The following RNF24 variants were observed in gnomAD, a reference collection of about 807,000 sequenced individuals.
The protein encoded by RNF24 is ring finger protein 24.
Under a neutral mutation model 20.0 loss-of-function variants are expected in RNF24, and 14 were observed. That is an observed-to-expected ratio of 0.70 (90% confidence interval 0.46 to 1.10). RNF24 has a LOEUF of 1.10. Among genes scored for constraint, RNF24 ranks in the 50% least tolerant of loss-of-function variants. The pLI is 0.00. For synonymous variants in RNF24, 45 were observed against 61.1 expected, an observed-to-expected ratio of 0.74 and a Z score of 1.23; for missense variants, 124 against 177.6, an observed-to-expected ratio of 0.70 and a Z score of 1.71.
intron 1 of RNF24, among the ~76,000 whole-genome samples, chr20:3,994,073 C>A (rs1445750676): frequency 6.6e-6 from 1 of 152,152 alleles, no homozygotes; most frequent in African/African-American, 2.4e-5. Flanking sequence ...TTAGTCTCCT[C>A]CAATCTGTGA....
At chr20:3,962,712 A>AT (rs754993846) in intron 2 of RNF24, among the ~76,000 whole-genome samples, 1,948 of 140,706 alleles carry the variant, frequency 0.014, 13 homozygotes, top group African/African-American at 0.036. Flanking sequence ...TGATCAAACT[A>AT]TTTTTTTTTT....
At chr20:3,975,471 A>G (rs1372540847) in intron 1 of RNF24, among the ~76,000 whole-genome samples, 3 of 152,208 alleles carry the variant, frequency 2.0e-5, no homozygotes, top group Non-Finnish European at 2.9e-5. Context: ...GAAAGAAGCT[A>G]AAGACTAGGA....
Position 4,001,967 on chromosome 20 carries a change from A to C in RNF24, c.-8+13470T>G, listed in dbSNP as rs140502201. 7.0e-3 allele frequency among the ~76,000 whole-genome samples: 1,059 copies of C among 151,816 alleles called. 28 individuals carry two copies. The highest frequency in any genetic ancestry group is 0.065 in the South Asian group (313 of 4,806). On this transcript the variant is annotated intron_variant, in intron 1 of 5. Coordinates refer to ENST00000358395, the MANE Select transcript of RNF24 (RefSeq NM_001134337.3). ...CTCTTAAAAAAACAAACAAAAAAAAACAGGGCCGGGCGCGGTGGCTGACAC... is the reference window on the plus strand; with the variant it reads ...CTCTTAAAAAAACAAACAAAAAAAACCAGGGCCGGGCGCGGTGGCTGACAC...
At chr20:3,992,172 CA>C (rs1980503024) in intron 1 of RNF24, among the ~76,000 whole-genome samples, 1 of 152,166 alleles carries the variant, frequency 6.6e-6, no homozygotes, top group Non-Finnish European at 1.5e-5. Flanking sequence ...TCTCTTTATT[CA>C]AAGGTAAGCA....
chr20:3,996,850 A>C lies in RNF24; in HGVS notation c.-8+18587T>G, dbSNP rs116772899. ...GAGGAGGGCAGAGTGGTAAGAGAGA[A>C]CTAGGAGTAAGTGGTAAAATGTCCC... is the stretch of plus-strand genomic sequence containing the variant. On this transcript the variant is annotated intron_variant, in intron 1 of 5. Transcript: ENST00000358395. 8.6e-3 allele frequency among the ~76,000 whole-genome samples: 1,308 copies of C among 152,284 alleles called. 25 individuals carry two copies. Among genetic ancestry groups the C allele is most frequent in the African/African-American group, 0.03 (1,249 of 41,548 alleles).
Position 3,945,161 on chromosome 20 carries a change from C to T in RNF24, c.228+16G>A. On this transcript the variant is annotated intron_variant, in intron 4 of 5. Transcript: ENST00000358395. Reference sequence around the variant, plus strand: ...CTAGAAAATGGCTCAAGAGGATTTACTTATCATCAACTTACCTCATGTAAA... The same window carrying T: ...CTAGAAAATGGCTCAAGAGGATTTATTTATCATCAACTTACCTCATGTAAA... The T allele has an allele frequency of 6.3e-7, 1 of 1,597,910 alleles. No individual in the cohort carries two copies.
rs241600 is a variant in RNF24 at position 3,930,623 on chromosome 20, T to A, written c.*3440A>T. ...ATCACTCTCTGCCTGGAGCTCTGGG[T>A]ATACTGCCCTGGATGTATCAGGATG... On this transcript the variant is annotated 3_prime_UTR_variant, in exon 6 of 6. Coordinates refer to ENST00000358395, the MANE Select transcript of RNF24 (RefSeq NM_001134337.3). The A allele has an allele frequency of 1.3e-5, 2 of 151,730 alleles. No homozygotes were observed. Among genetic ancestry groups the A allele is most frequent in the East Asian group, 3.9e-4 (2 of 5,150 alleles). The allele number at this position is 151,730 out of a possible 1,614,324, so 9.4% of individuals were successfully genotyped here.
At chr20:4,010,722 A>G (rs1234327262) in intron 1 of RNF24, among the ~76,000 whole-genome samples, 1 of 152,204 alleles carries the variant, frequency 6.6e-6, no homozygotes, top group Non-Finnish European at 1.5e-5. Flanking sequence ...CCCTCTCTCA[A>G]TGAACACATA....
intron 1 of RNF24, among the ~76,000 whole-genome samples, chr20:4,012,278 G>T (rs771729439): frequency 6.6e-6 from 1 of 151,986 alleles, no homozygotes; most frequent in Non-Finnish European, 1.5e-5. Flanking sequence ...TTAGCCAGGC[G>T]TGGTGGCCAG....
chr20:4,001,577 A>T (rs73086588), intron 1 of RNF24, among the ~76,000 whole-genome samples: 18,375 of 152,190 alleles, frequency 0.12, 1,438 homozygotes, highest in Non-Finnish European at 0.17. Flanking sequence ...TACTTAAAAG[A>T]CAAAAATCAC....
intron 2 of RNF24, among the ~76,000 whole-genome samples, chr20:3,952,581 C>CA (rs1568624965): frequency 3.0e-5 from 4 of 131,494 alleles, no homozygotes; most frequent in Non-Finnish European, 4.8e-5. Context: ...TCTTTTTTCC[C>CA]GTTTTTTTTT....
intron 1 of RNF24, among the ~76,000 whole-genome samples, chr20:3,967,132 A>T (rs1405321544): frequency 6.6e-6 from 1 of 152,222 alleles, no homozygotes; most frequent in Non-Finnish European, 1.5e-5. Flanking sequence ...ATTAGTTTTT[A>T]CAAAATTTTT....
chr20:3,980,460 C>T (rs115923099), intron 1 of RNF24, among the ~76,000 whole-genome samples: 1,550 of 152,182 alleles, frequency 0.01, 17 homozygotes, highest in African/African-American at 0.035. Context: ...GCAGTGAGCA[C>T]GACAGCTTGA....
intron 1 of RNF24, among the ~76,000 whole-genome samples, chr20:3,988,924 AAAG>A (rs1416716066): frequency 6.6e-6 from 1 of 152,232 alleles, no homozygotes. Context: ...AAAAGAACAA[AAAG>A]AATACTTACT....
chr20:3,994,968 T>C (rs980981280), intron 1 of RNF24, among the ~76,000 whole-genome samples: 2 of 152,184 alleles, frequency 1.3e-5, no homozygotes, highest in African/African-American at 4.8e-5. Context: ...ATTCTTTCAT[T>C]GTACAGCCTT....
chr20:4,007,295 G>T (rs532094639), intron 1 of RNF24, among the ~76,000 whole-genome samples: 19 of 152,308 alleles, frequency 1.2e-4, no homozygotes, highest in African/African-American at 4.3e-4. Context: ...CTTAGGGTTA[G>T]AAGTACCTGA....
chr20:3,935,238 A>C (rs241606), intron 4 of RNF24, among the ~76,000 whole-genome samples, 165 bp from the exon 5 acceptor site: 74,899 of 151,956 alleles, frequency 0.49, 19,576 homozygotes, highest in African/African-American at 0.68. Context: ...GAAACAGGCC[A>C]AAATAGATGA....
chr20:3,928,868 T>C lies in RNF24; in HGVS notation c.*5195A>G, dbSNP rs2090773197. On this transcript the variant is annotated 3_prime_UTR_variant, in exon 6 of 6. Transcript: ENST00000358395. Reference sequence around the variant, plus strand: ...CATTTTCTTTTCTTGTGTGTTTTTTTGAGACGGAGTCTCGCTCTGTTGCCC... The same window carrying C: ...CATTTTCTTTTCTTGTGTGTTTTTTCGAGACGGAGTCTCGCTCTGTTGCCC... 6.6e-6 allele frequency: 1 copy of C among 151,720 alleles called. No homozygotes were observed. The highest frequency in any genetic ancestry group is 6.6e-5 in the Admixed American group (1 of 15,238). The allele number at this position is 151,720 out of a possible 1,614,324, so 9.4% of individuals were successfully genotyped here.
chr20:3,963,817 A>C, intron 2 of RNF24, 58 bp downstream of exon 2: 1 of 1,405,434 alleles, frequency 7.1e-7, no homozygotes, highest in Non-Finnish European at 9.7e-7. Context: ...TGAGGACAGA[A>C]ACTTGATTAT....
Sources: allele counts gnomAD v4.1 joint callset (sites outside exome capture counted in the v4.1 genomes callset), GRCh38; gene constraint gnomAD v4.1.1; transcripts MANE v1.5; gene names NCBI Gene and HGNC (gene_info 2026-07-23, HGNC 2026-07-21).